The following SPATA3 variants were observed in gnomAD, a reference collection of about 807,000 sequenced individuals.
The protein encoded by SPATA3 is spermatogenesis associated 3.
In SPATA3, 6 loss-of-function variants were observed where a neutral mutation model predicts 5.7. The observed-to-expected ratio is 1.06, with a 90% CI of 0.58 to 2.09. SPATA3 has a LOEUF of 2.09. Among genes scored for constraint, SPATA3 ranks in the 30% most tolerant of loss-of-function variants. The pLI, the probability that SPATA3 is intolerant of heterozygous loss-of-function variation, is 0.00. For missense variants in SPATA3, 155 were observed against 130.4 expected, an observed-to-expected ratio of 1.19 and a Z score of -0.92; for synonymous variants, 44 against 48.4, an observed-to-expected ratio of 0.91 and a Z score of 0.37.
chr2:230,996,669 T>C (rs558182270), intron 1 of SPATA3, 135 bp downstream of exon 1: 2 of 1,165,864 alleles, frequency 1.7e-6, no homozygotes, highest in Non-Finnish European at 2.3e-6. Context: ...AGTGGGAAGG[T>C]TTTTGTTTTT....
intron 6 of SPATA3, among the ~76,000 whole-genome samples, chr2:231,014,512 A>G (rs1692878498): frequency 2.6e-5 from 4 of 152,034 alleles, no homozygotes; most frequent in Admixed American, 2.0e-4. Flanking sequence ...GTCTGGAGTA[A>G]GTCTCCTTTT....
At chr2:231,007,436 G>A (rs955332074), downstream of SPATA3, among the ~76,000 whole-genome samples, 22 of 152,128 alleles carry the variant, frequency 1.4e-4, no homozygotes, top group Admixed American at 1.2e-3. Flanking sequence ...ACAGACCCCC[G>A]GTGGAGCAGC....
intron 1 of SPATA3, among the ~76,000 whole-genome samples, chr2:230,998,513 T>C (rs539910590): frequency 7.9e-5 from 12 of 152,188 alleles, no homozygotes; most frequent in Admixed American, 5.9e-4. Context: ...AAGCAAGAAA[T>C]GGTGGTGGCT....
At chr2:231,002,072 C>A (rs1350236868) in intron 2 of SPATA3, among the ~76,000 whole-genome samples, 1 of 152,144 alleles carries the variant, frequency 6.6e-6, no homozygotes, top group African/African-American at 2.4e-5. Flanking sequence ...CTGGCCAGGG[C>A]AAGACATGTA....
downstream of SPATA3, among the ~76,000 whole-genome samples, chr2:231,010,913 TAAAAA>T (rs58404200): frequency 3.8e-3 from 502 of 131,852 alleles, 4 homozygotes; most frequent in African/African-American, 0.011. Context: ...TGTATTTTTC[TAAAAA>T]AAAAAAAAAA....
downstream of SPATA3, among the ~76,000 whole-genome samples, chr2:231,011,335 G>A (rs192378836): frequency 4.1e-4 from 63 of 152,108 alleles, 1 homozygote; most frequent in East Asian, 0.01. Flanking sequence ...GGCTGGTCTC[G>A]AACTTCTGAC....
intron 6 of SPATA3, among the ~76,000 whole-genome samples, chr2:231,015,172 T>TG (rs1692897685): frequency 6.8e-6 from 1 of 147,572 alleles, no homozygotes; most frequent in Admixed American, 6.9e-5. Context: ...CCAACTAAGG[T>TG]GCGAAGGATG....
At chr2:231,012,947 C>A (rs1339101773) in intron 5 of SPATA3, among the ~76,000 whole-genome samples, 1 of 152,242 alleles carries the variant, frequency 6.6e-6, no homozygotes, top group Non-Finnish European at 1.5e-5. Flanking sequence ...TGGGGCAAAT[C>A]CAGTTCTCTG....
intron 6 of SPATA3, among the ~76,000 whole-genome samples, chr2:231,015,756 G>A (rs1300967347): frequency 6.6e-6 from 1 of 152,216 alleles, no homozygotes; most frequent in Non-Finnish European, 1.5e-5. Context: ...ATTATTCACA[G>A]GGAGCCACAA....
At chr2:231,015,257 C>CT (rs35102459) in intron 6 of SPATA3, among the ~76,000 whole-genome samples, 3,212 of 94,008 alleles carry the variant, frequency 0.034, 113 homozygotes, top group African/African-American at 0.039. Context: ...ATCGTTTTGG[C>CT]TTTTTTTTTT....
downstream of SPATA3, among the ~76,000 whole-genome samples, chr2:231,005,448 TCACCACCACCAC>T (rs1363254856): frequency 1.1e-4 from 3 of 26,104 alleles, no homozygotes; most frequent in East Asian, 1.8e-3. Context: ...ATCACCACCA[TCACCACCACCAC>T]CACCACCACC....
At position 231,016,676 on chromosome 2, in the gene SPATA3, CTCT is replaced by C. The variant is rs1692947840; in HGVS notation, c.*565+2466_*565+2468del. 3.0e-5 allele frequency among the ~76,000 whole-genome samples: 4 copies of C among 132,978 alleles called. No individual in the cohort carries two copies. The South Asian group carries it at 9.3e-4, about 31-fold the overall frequency. 87.2% of individuals were successfully genotyped at this position (132,978 alleles called of 152,430 possible). A position where few individuals can be genotyped will look rare whatever the true frequency, so the allele number is the denominator to read the frequency against. Reference sequence around the variant, plus strand: ...CTCCAGCTTGGGCAACAGATTGAGACTCTTATCTCAAAAGGAAAATAAAAAACA... The same window carrying C: ...CTCCAGCTTGGGCAACAGATTGAGACTATCTCAAAAGGAAAATAAAAAACA... On this transcript the variant is annotated intron_variant, in intron 6 of 8. Transcript: ENST00000452881.
At chr2:230,998,287 C>A (rs1692206628) in intron 1 of SPATA3, among the ~76,000 whole-genome samples, 1 of 152,200 alleles carries the variant, frequency 6.6e-6, no homozygotes, top group East Asian at 1.9e-4. Flanking sequence ...GGAATCAAAC[C>A]TTTCTTGACA....
downstream of SPATA3, among the ~76,000 whole-genome samples, chr2:231,011,027 C>T (rs978550400): frequency 1.6e-5 from 2 of 127,166 alleles, no homozygotes; most frequent in South Asian, 2.5e-4. Flanking sequence ...AAGCTGAGAT[C>T]GTGCCACTGC....
At chr2:231,001,669 G>A (rs929086587) in intron 2 of SPATA3, among the ~76,000 whole-genome samples, 1 of 152,110 alleles carries the variant, frequency 6.6e-6, no homozygotes, top group African/African-American at 2.4e-5. Context: ...GGTTCATATC[G>A]TTTTAAAACC....
At chr2:231,009,814 T>C (rs557083848), downstream of SPATA3, among the ~76,000 whole-genome samples, 2 of 152,294 alleles carry the variant, frequency 1.3e-5, no homozygotes, top group African/African-American at 4.8e-5. Flanking sequence ...CATGAATGAG[T>C]AGACCTGTCA....
chr2:231,011,072 CA>C (rs556496371), downstream of SPATA3, among the ~76,000 whole-genome samples: 68 of 79,836 alleles, frequency 8.5e-4, 1 homozygote, highest in Non-Finnish European at 1.2e-3. Flanking sequence ...GACCCTGTCT[CA>C]AAAAAAAAAA....
In SPATA3 at chr2:231,002,744, T is replaced by C. The variant is rs376392332; in HGVS notation, c.1023T>C (p.Cys341=). 13 of 1,532,382 alleles carry C rather than the reference T, an allele frequency of 8.5e-6. No individual in the cohort carries two copies. In the Middle Eastern group the frequency reaches 5.0e-4, roughly 59 times the overall value. 94.9% of individuals were successfully genotyped at this position (1,532,382 alleles called of 1,614,324 possible). A position where few individuals can be genotyped will look rare whatever the true frequency, so the allele number is the denominator to read the frequency against. ...CGTGTCCTCCAAGCCCTCGGAACTGTGGCTGTGGCTCTGGGGGCTCTAGGA... is the reference window on the plus strand; with the variant it reads ...CGTGTCCTCCAAGCCCTCGGAACTGCGGCTGTGGCTCTGGGGGCTCTAGGA... Residue 341 remains cysteine (C), a synonymous_variant, in exon 3 of 3, where the codon TGT becomes TGC. Transcript: ENST00000645363.
In SPATA3 at chr2:231,000,378, G is replaced by A. The variant is rs373550804; in HGVS notation, c.803G>A (p.Arg268His). The A allele has an allele frequency of 1.0e-4, 158 of 1,513,060 alleles. No homozygotes were observed. The African/African-American group carries it at 1.8e-3, about 17-fold the overall frequency. The allele number at this position is 1,513,060 out of a possible 1,614,324, so 93.7% of individuals were successfully genotyped here. ...TCTGTCCCCACAGGGCCTCTGATTCGCGCCGGCCCGCATTCCTGCTCCTGT... is the reference window on the plus strand; with the variant it reads ...TCTGTCCCCACAGGGCCTCTGATTCACGCCGGCCCGCATTCCTGCTCCTGT... The change falls in exon 2 of 3, where the codon CGC (arginine) becomes CAC (histidine). Residue 268 changes from arginine (R) to histidine (H), a missense_variant. By Grantham distance (29) the Arg-to-His change is conservative. Transcript: ENST00000645363.
Sources: allele counts gnomAD v4.1 joint callset (sites outside exome capture counted in the v4.1 genomes callset), GRCh38; gene constraint gnomAD v4.1.1; transcripts MANE v1.5; gene names NCBI Gene and HGNC (gene_info 2026-07-23, HGNC 2026-07-21).